The following KLRG1 variants were observed in gnomAD, a reference collection of about 807,000 sequenced individuals.
KLRG1 encodes the protein killer cell lectin like receptor G1.
A neutral mutation model predicts 21.8 loss-of-function variants in KLRG1; 16 were observed. That is an observed-to-expected ratio of 0.73 (90% confidence interval 0.50 to 1.11). KLRG1 has a LOEUF of 1.11. Ranked by LOEUF, KLRG1 falls within the 50% of genes most tolerant of loss-of-function variation. KLRG1 has a pLI of 0.00. For missense variants in KLRG1, 173 were observed against 218.3 expected, an observed-to-expected ratio of 0.79 and a Z score of 1.31; for synonymous variants, 69 against 75.9, an observed-to-expected ratio of 0.91 and a Z score of 0.47.
chr12:8,956,553 C>G (rs1487322956), intron 1 of KLRG1, among the ~76,000 whole-genome samples: 2 of 152,138 alleles, frequency 1.3e-5, no homozygotes, highest in Non-Finnish European at 1.5e-5. Flanking sequence ...TCAAGTGATT[C>G]TCCTGCCTCA....
Position 9,009,910 on chromosome 12 carries a change from A to C in KLRG1, c.*373A>C, listed in dbSNP as rs1592285322. ...AATCTGATAAAATCTATGCCAATAT[A>C]TACTATTGCTTGTGTACTAGAGAAG... On this transcript the variant is annotated 3_prime_UTR_variant, in exon 5 of 5. Transcript: ENST00000356986. The C allele has an allele frequency of 7.2e-6, 11 of 1,521,754 alleles. No homozygotes were observed. Among genetic ancestry groups the C allele is most frequent in the Non-Finnish European group, 9.7e-6 (11 of 1,139,104 alleles). The allele number at this position is 1,521,754 out of a possible 1,614,324, so 94.3% of individuals were successfully genotyped here.
the KLRG1 span, among the ~76,000 whole-genome samples, chr12:9,019,149 A>G: frequency 7.2e-4 from 110 of 152,348 alleles, no homozygotes; most frequent in African/African-American, 2.6e-3. Flanking sequence ...AGACATTGAA[A>G]TGGCAAACAG....
the KLRG1 span, chr12:9,194,159 G>A: frequency 6.2e-7 from 1 of 1,613,890 alleles, no homozygotes; most frequent in Non-Finnish European, 8.5e-7. Context: ...GGTTGCATTG[G>A]AGTAATAATT....
At chr12:9,015,968 A>C in the KLRG1 span, among the ~76,000 whole-genome samples, 470 of 152,308 alleles carry the variant, frequency 3.1e-3, 3 homozygotes, top group African/African-American at 0.011. Context: ...ATAAATGATA[A>C]TGGAAACATA....
At chr12:9,090,036 G>T in the KLRG1 span, 1 of 1,581,894 alleles carries the variant, frequency 6.3e-7, no homozygotes, top group East Asian at 2.3e-5. Context: ...GAAAAAAAAG[G>T]CCAGTAGAAA....
the KLRG1 span, chr12:9,208,280 C>T: frequency 6.2e-7 from 1 of 1,613,620 alleles, no homozygotes; most frequent in Non-Finnish European, 8.5e-7. Flanking sequence ...GTTTGAGTCA[C>T]TGGCAGAAAG....
chr12:9,149,505 C>A, the KLRG1 span: 1 of 1,496,396 alleles, frequency 6.7e-7, no homozygotes, highest in Non-Finnish European at 9.2e-7. Context: ...ATTGCAGGGG[C>A]CCTTGGAGAG....
the KLRG1 span, among the ~76,000 whole-genome samples, chr12:9,132,689 G>A: frequency 6.6e-6 from 1 of 152,048 alleles, no homozygotes; most frequent in Admixed American, 6.5e-5. Flanking sequence ...GAAAAAATAT[G>A]GATTTCAAAT....
At chr12:9,143,576 T>C in the KLRG1 span, among the ~76,000 whole-genome samples, 1 of 151,938 alleles carries the variant, frequency 6.6e-6, no homozygotes, top group East Asian at 1.9e-4. Context: ...ACAGGGAGGG[T>C]CAGGATCTTA....
chr12:9,167,492 A>G, the KLRG1 span: 18 of 152,244 alleles, frequency 1.2e-4, no homozygotes, highest in African/African-American at 4.3e-4. Context: ...AGGTCGCACA[A>G]TCACTCACCG....
chr12:9,117,056 G>A, the KLRG1 span, among the ~76,000 whole-genome samples: 14 of 152,144 alleles, frequency 9.2e-5, no homozygotes, highest in African/African-American at 3.4e-4. Context: ...AAGCTCTGAA[G>A]TATGAGTAGT....
the KLRG1 span, among the ~76,000 whole-genome samples, chr12:9,075,518 C>T: frequency 1.3e-5 from 2 of 152,210 alleles, no homozygotes; most frequent in Middle Eastern, 3.4e-3. Context: ...TATTATGCAG[C>T]AGTGAAAATT....
chr12:9,053,206 A>G, the KLRG1 span, among the ~76,000 whole-genome samples: 1 of 134,426 alleles, frequency 7.4e-6, no homozygotes, highest in South Asian at 2.2e-4. Flanking sequence ...TGTGCCTGCG[A>G]CGGGGTGTCC....
chr12:8,972,046 G>T (rs1946577493), intron 1 of KLRG1, among the ~76,000 whole-genome samples: 1 of 152,080 alleles, frequency 6.6e-6, no homozygotes, highest in African/African-American at 2.4e-5. Context: ...TTTGTTGTCT[G>T]TGCTTTTGGT....
intron 1 of KLRG1, among the ~76,000 whole-genome samples, chr12:8,954,706 A>C (rs1192295011): frequency 6.6e-6 from 1 of 152,118 alleles, no homozygotes; most frequent in Non-Finnish European, 1.5e-5. Context: ...CAGAGCTAGG[A>C]AATTGTTTAT....
the KLRG1 span, chr12:9,099,482 T>C: frequency 6.2e-7 from 1 of 1,610,372 alleles, no homozygotes; most frequent in Admixed American, 1.7e-5. Context: ...ACAGGAGCAA[T>C]GTCTGACTTC....
At chr12:9,206,473 G>A in the KLRG1 span, among the ~76,000 whole-genome samples, 1 of 152,146 alleles carries the variant, frequency 6.6e-6, no homozygotes, top group Non-Finnish European at 1.5e-5. Flanking sequence ...TTTAATATAT[G>A]TTTACTCAAT....
chr12:9,125,047 T>C, the KLRG1 span, among the ~76,000 whole-genome samples: 2 of 152,220 alleles, frequency 1.3e-5, no homozygotes, highest in African/African-American at 4.8e-5. Context: ...TCTCTGCTAA[T>C]AGCAGGAGAC....
chr12:8,986,842 C>T (rs745398476), upstream of KLRG1, among the ~76,000 whole-genome samples: 5 of 152,094 alleles, frequency 3.3e-5, no homozygotes, highest in Non-Finnish European at 5.9e-5. Context: ...TACCATACCC[C>T]TAGAGCTGTT....
Sources: gnomAD v4.1 joint callset for allele counts (sites outside exome capture counted in the v4.1 genomes callset) on GRCh38, gnomAD v4.1.1 for gene constraint, MANE v1.5 for transcripts, NCBI Gene and HGNC (gene_info 2026-07-23, HGNC 2026-07-21) for gene names.